ZC3H14: variants seen among roughly 807,000 people sequenced by gnomAD.
ZC3H14 encodes zinc finger CCCH-type containing 14, also known as zinc finger CCCH domain-containing protein 14.
In ZC3H14, 31 loss-of-function variants were observed where a neutral mutation model predicts 92.4. That is an observed-to-expected ratio of 0.34 (90% CI 0.25 to 0.45). The LOEUF (loss-of-function observed/expected upper bound fraction) is 0.45. ZC3H14 is among the 20% of genes least tolerant of loss of function. The probability of loss-of-function intolerance (pLI) is 1.00; values close to 1 mark genes in which losing one functional copy is unlikely to be tolerated. For synonymous variants in ZC3H14, 321 were observed against 300.9 expected, an observed-to-expected ratio of 1.07 and a Z score of -0.69; for missense variants, 781 against 897.3, an observed-to-expected ratio of 0.87 and a Z score of 1.66.
At chr14:88,563,271 C>A (rs1385967433) in intron 1 of ZC3H14, 102 bp downstream of exon 1, 2 of 1,539,968 alleles carry the variant, frequency 1.3e-6, no homozygotes, top group Admixed American at 2.0e-5. Context: ...CGCGGCCTGG[C>A]CTCCGCTGGA....
intron 13 of ZC3H14, 102 bp downstream of exon 13, chr14:88,607,465 TCA>T: frequency 7.7e-7 from 1 of 1,302,472 alleles, no homozygotes; most frequent in South Asian, 1.2e-5. Flanking sequence ...CCATCCCATC[TCA>T]CCCAGCAAGT....
chr14:88,587,955 G>T (rs1042628056), intron 9 of ZC3H14, among the ~76,000 whole-genome samples: 9 of 152,084 alleles, frequency 5.9e-5, no homozygotes, highest in Non-Finnish European at 7.4e-5. Flanking sequence ...AAATTTTAAA[G>T]ACTATATAAA....
intron 13 of ZC3H14, chr14:88,608,497 G>A (rs1029662765): frequency 2.1e-5 from 6 of 281,328 alleles, no homozygotes; most frequent in African/African-American, 1.4e-4. Flanking sequence ...CCTCTCCAGA[G>A]TAGCGTATTT....
chr14:88,565,286 C>T (rs1350256153), intron 2 of ZC3H14, among the ~76,000 whole-genome samples: 3 of 151,842 alleles, frequency 2.0e-5, no homozygotes, highest in Non-Finnish European at 4.4e-5. Context: ...GGATTACAGG[C>T]ATCTGCCACT....
At chr14:88,606,513 T>C (rs1287100492) in intron 12 of ZC3H14, among the ~76,000 whole-genome samples, 3 of 152,158 alleles carry the variant, frequency 2.0e-5, no homozygotes, top group Non-Finnish European at 4.4e-5. Flanking sequence ...CTCATGCCTA[T>C]AATCCCAGCA....
chr14:88,624,938 A>G lies in ZC3H14; in HGVS notation c.*13187A>G. On this transcript the variant is annotated 3_prime_UTR_variant, in exon 17 of 17. Coordinates refer to ENST00000251038, the MANE Select transcript of ZC3H14 (RefSeq NM_024824.5). ...CAAACCTCAGGTAGGTCACAAATGCATAAATATTCTGTGAAAAGAAAGAGG... is the reference window on the plus strand; with the variant it reads ...CAAACCTCAGGTAGGTCACAAATGCGTAAATATTCTGTGAAAAGAAAGAGG... 2 of 1,609,938 alleles carry G rather than the reference A, an allele frequency of 1.2e-6. No individual in the cohort carries two copies. Among genetic ancestry groups the G allele is most frequent in the Non-Finnish European group, 1.7e-6 (2 of 1,177,792 alleles).
intron 9 of ZC3H14, among the ~76,000 whole-genome samples, chr14:88,585,667 G>C (rs1178067651): frequency 6.6e-6 from 1 of 152,066 alleles, no homozygotes; most frequent in Non-Finnish European, 1.5e-5. Context: ...TGGGATTATA[G>C]GTGTGAGCCA....
chr14:88,570,747 G>A (rs770871241), intron 3 of ZC3H14, among the ~76,000 whole-genome samples: 1 of 152,088 alleles, frequency 6.6e-6, no homozygotes, highest in Non-Finnish European at 1.5e-5. Flanking sequence ...ACTTCTGTAG[G>A]ATTTATACAA....
chr14:88,600,300 G>C (rs933998379), intron 10 of ZC3H14, among the ~76,000 whole-genome samples: 2 of 152,200 alleles, frequency 1.3e-5, no homozygotes, highest in African/African-American at 4.8e-5. Context: ...AGACAGCAGA[G>C]AATCTTTTCA....
chr14:88,575,841 C>A lies in ZC3H14; in HGVS notation c.1024C>A (p.Pro342Thr). 6.2e-7 allele frequency: 1 copy of A among 1,612,142 alleles called. No homozygotes were observed. The highest frequency in any genetic ancestry group is 8.5e-7 in the Non-Finnish European group (1 of 1,178,566). The change falls in exon 8 of 17, where the codon CCT (proline) becomes ACT (threonine). Residue 342 changes from proline (P) to threonine (T), a missense_variant and splice_region_variant. By Grantham distance (38) the Pro-to-Thr change is conservative. This residue lies in a region of ZC3H14 where 454 missense variants were observed against 438.5 expected (regional missense o/e 1.04). Transcript: ENST00000251038. ...AAATACCTTTCTTAACTCTTTTAGA[C>A]CTTCTCTTCCACCTTCTAAACAAGC... ...VSVPAKPERR[P>T]SLPPSKQANK...
chr14:88,584,143 T>C (rs1165598710), intron 9 of ZC3H14, among the ~76,000 whole-genome samples: 1 of 152,254 alleles, frequency 6.6e-6, no homozygotes, highest in East Asian at 1.9e-4. Context: ...TTTATATATC[T>C]GGTTTCCCTG....
In ZC3H14 at chr14:88,622,272, T is replaced by A; in HGVS notation, c.*10521T>A. 4.8e-6 allele frequency: 1 copy of A among 207,150 alleles called. No individual in the cohort carries two copies. The highest frequency in any genetic ancestry group is 1.1e-4 in the East Asian group (1 of 9,244). The allele number at this position is 207,150 out of a possible 1,614,324, so 12.8% of individuals were successfully genotyped here. On this transcript the variant is annotated 3_prime_UTR_variant, in exon 17 of 17. Coordinates refer to ENST00000251038, the MANE Select transcript of ZC3H14 (RefSeq NM_024824.5). ...TTTACTGCACGTTTTATCTAGGGAA[T>A]GTGTGTTTTTTTAAAAAATGGAGAC... is the stretch of plus-strand genomic sequence containing the variant.
At position 88,624,940 on chromosome 14, in the gene ZC3H14, A is replaced by G. The variant is rs1189550320; in HGVS notation, c.*13189A>G. 2 of 1,610,552 alleles carry G rather than the reference A, an allele frequency of 1.2e-6. No homozygotes were observed. Among genetic ancestry groups the G allele is most frequent in the Admixed American group, 3.4e-5 (2 of 59,660 alleles). On this transcript the variant is annotated 3_prime_UTR_variant, in exon 17 of 17. Transcript: ENST00000251038. ...AACCTCAGGTAGGTCACAAATGCAT[A>G]AATATTCTGTGAAAAGAAAGAGGAC... is the stretch of plus-strand genomic sequence containing the variant.
chr14:88,572,297 CT>C (rs1316702812), intron 5 of ZC3H14, 72 bp downstream of exon 5: 2 of 1,537,488 alleles, frequency 1.3e-6, no homozygotes, highest in Non-Finnish European at 1.8e-6. Context: ...GTTTTTATAT[CT>C]TTCAGTTTGC....
At chr14:88,568,967 G>A (rs528893776) in intron 3 of ZC3H14, among the ~76,000 whole-genome samples, 1 of 151,984 alleles carries the variant, frequency 6.6e-6, no homozygotes, top group South Asian at 2.1e-4. Flanking sequence ...CTGCAGCCTC[G>A]ATCTCCTGGT....
At chr14:88,582,963 C>T (rs936990073) in intron 9 of ZC3H14, among the ~76,000 whole-genome samples, 4 of 151,924 alleles carry the variant, frequency 2.6e-5, no homozygotes, top group Non-Finnish European at 5.9e-5. Context: ...TTTTTACTAG[C>T]GCACCCACCT....
intron 9 of ZC3H14, chr14:88,590,622 A>G (rs138785949): frequency 1.3e-5 from 2 of 152,250 alleles, no homozygotes; most frequent in East Asian, 3.9e-4. Context: ...TACATATTTT[A>G]TGTTTTTGTA....
Position 88,621,398 on chromosome 14 carries a change from A to G in ZC3H14, c.*9647A>G, listed in dbSNP as rs752353730. The G allele has an allele frequency of 1.5e-5, 23 of 1,489,890 alleles. No homozygotes were observed. Among genetic ancestry groups the G allele is most frequent in the Middle Eastern group, 1.7e-4 (1 of 5,748 alleles). The allele number at this position is 1,489,890 out of a possible 1,614,324, so 92.3% of individuals were successfully genotyped here. On this transcript the variant is annotated 3_prime_UTR_variant, in exon 17 of 17. Coordinates refer to ENST00000251038, the MANE Select transcript of ZC3H14 (RefSeq NM_024824.5). The stretch of plus-strand genomic sequence containing the variant: ...GACCCTATTGACCTGCTTTCAGAGA[A>G]CTTTTTGCTTTGAGCTAATCTAGTA...
In ZC3H14 at chr14:88,627,583, C is replaced by T; in HGVS notation, c.*15832C>T. ...CCAACTTTAAGACAAATATTAAATA[C>T]AGAATTCCTACTACCTTTGTATTCT... On this transcript the variant is annotated 3_prime_UTR_variant, in exon 17 of 17. Coordinates refer to ENST00000251038, the MANE Select transcript of ZC3H14 (RefSeq NM_024824.5). 1 of 1,481,078 alleles carries T rather than the reference C, an allele frequency of 6.8e-7. No individual in the cohort carries two copies. The highest frequency in any genetic ancestry group is 9.1e-7 in the Non-Finnish European group (1 of 1,103,596). 91.7% of individuals were successfully genotyped at this position (1,481,078 alleles called of 1,614,324 possible). A position where few individuals can be genotyped will look rare whatever the true frequency, so the allele number is the denominator to read the frequency against.
Sources: allele counts gnomAD v4.1 joint callset (sites outside exome capture counted in the v4.1 genomes callset), GRCh38; gene constraint gnomAD v4.1.1; regional missense constraint gnomAD v4.1.1; transcripts MANE v1.5; gene names NCBI Gene and HGNC (gene_info 2026-07-23, HGNC 2026-07-21).